The following DCDC1 variants were observed in gnomAD, a reference collection of about 807,000 sequenced individuals.
DCDC1 encodes the protein doublecortin domain-containing protein 1.
In DCDC1, 200 loss-of-function variants were observed where a neutral mutation model predicts 178.3. The ratio of observed to expected loss-of-function variants is 1.12; its 90% CI spans 1.00 to 1.26. DCDC1 has a LOEUF of 1.26. Ranked by LOEUF, DCDC1 falls within the 50% of genes most tolerant of loss-of-function variation. The pLI is 0.00. For synonymous variants in DCDC1, 690 were observed against 604.8 expected, an observed-to-expected ratio of 1.14 and a Z score of -2.07; for missense variants, 1,983 against 1,749.2, an observed-to-expected ratio of 1.13 and a Z score of -2.38.
chr11:31,033,212 G>C (rs1011350298), intron 20 of DCDC1, among the ~76,000 whole-genome samples: 14 of 152,258 alleles, frequency 9.2e-5, no homozygotes, highest in African/African-American at 3.1e-4. Context: ...CAAGTGTAGA[G>C]AGGAAGAACT....
intron 11 of DCDC1, among the ~76,000 whole-genome samples, chr11:31,115,985 G>GGC (rs1555066728): frequency 3.7e-5 from 5 of 135,722 alleles, no homozygotes; most frequent in African/African-American, 1.3e-4. Context: ...TGGCAGTGGG[G>GGC]GGGGGGGGGA....
At chr11:31,083,380 T>C (rs1310394613) in intron 17 of DCDC1, among the ~76,000 whole-genome samples, 1 of 152,172 alleles carries the variant, frequency 6.6e-6, no homozygotes, top group East Asian at 1.9e-4. Flanking sequence ...CTTTGGCAGG[T>C]CCATTAGTCC....
intron 9 of DCDC1, among the ~76,000 whole-genome samples, chr11:31,180,135 G>A (rs1383221179): frequency 6.6e-6 from 1 of 152,172 alleles, no homozygotes; most frequent in Non-Finnish European, 1.5e-5. Context: ...ATACTTCAAT[G>A]GGTAAGGAAT....
intron 9 of DCDC1, among the ~76,000 whole-genome samples, chr11:31,175,246 T>C (rs1381106012): frequency 6.6e-6 from 1 of 152,178 alleles, no homozygotes; most frequent in African/African-American, 2.4e-5. Flanking sequence ...CTGGCACCTG[T>C]GCCAGGGCCT....
chr11:31,347,559 C>T (rs1405514598), intron 1 of DCDC1, among the ~76,000 whole-genome samples: 1 of 152,014 alleles, frequency 6.6e-6, no homozygotes, highest in Non-Finnish European at 1.5e-5. Flanking sequence ...AAACAAAAAG[C>T]AAGGGGAAAG....
At chr11:31,042,804 T>C (rs932721452) in intron 20 of DCDC1, among the ~76,000 whole-genome samples, 3 of 152,168 alleles carry the variant, frequency 2.0e-5, no homozygotes, top group Non-Finnish European at 2.9e-5. Context: ...AACCTCTTAG[T>C]CTCAGTCCAT....
intron 9 of DCDC1, among the ~76,000 whole-genome samples, chr11:31,209,843 A>G (rs149121744): frequency 6.6e-6 from 1 of 152,320 alleles, no homozygotes; most frequent in East Asian, 1.9e-4. Flanking sequence ...AACAAGCATG[A>G]ACGGGAGAGA....
chr11:30,922,535 A>G lies in DCDC1; in HGVS notation c.3101T>C (p.Ile1034Thr). 2 of 1,578,820 alleles carry G rather than the reference A, an allele frequency of 1.3e-6. No individual in the cohort carries two copies. Among genetic ancestry groups the G allele is most frequent in the Non-Finnish European group, 1.7e-6 (2 of 1,167,544 alleles). The part of the protein sequence containing the change: ...LRNLESDIAK[I>T]QIFCSTHKIE... ...TTTATGTGTGCTGCAGAAGATTTGA[A>G]TTTTGGCAATGTCTGATTCTAGGTT... is the stretch of plus-strand genomic sequence containing the variant. The change falls in exon 24 of 39, where the codon ATT becomes ACT. Residue 1034 changes from isoleucine to threonine, a missense_variant. Physicochemically the swap from Ile to Thr is moderately conservative, Grantham distance 89 (BLOSUM62 -1). Transcript: ENST00000684477.
At chr11:31,184,018 G>A (rs1177093296) in intron 9 of DCDC1, among the ~76,000 whole-genome samples, 2 of 152,066 alleles carry the variant, frequency 1.3e-5, no homozygotes, top group African/African-American at 4.8e-5. Context: ...GAGGCATCAC[G>A]CTACCTGACC....
chr11:31,288,512 T>TC (rs1947000115), intron 7 of DCDC1, among the ~76,000 whole-genome samples: 1 of 151,862 alleles, frequency 6.6e-6, no homozygotes, highest in African/African-American at 2.4e-5. Flanking sequence ...TAGAGTCATT[T>TC]CCCCTTGGCT....
chr11:30,952,000 A>AT (rs1948453849), intron 21 of DCDC1, among the ~76,000 whole-genome samples: 1 of 152,148 alleles, frequency 6.6e-6, no homozygotes, highest in Admixed American at 6.6e-5. Context: ...CCCCTCTAAA[A>AT]CAGAAGAACA....
At chr11:31,247,831 A>AGT (rs1381978219) in intron 8 of DCDC1, among the ~76,000 whole-genome samples, 2 of 151,988 alleles carry the variant, frequency 1.3e-5, no homozygotes, top group Non-Finnish European at 2.9e-5. Context: ...CAAAAATAAT[A>AGT]GTGTGTGTGT....
intron 1 of DCDC1, among the ~76,000 whole-genome samples, chr11:31,357,585 C>T (rs1439912174): frequency 6.6e-6 from 1 of 152,042 alleles, no homozygotes; most frequent in Non-Finnish European, 1.5e-5. Context: ...AAGTTCTGGC[C>T]AGGGCAATTA....
chr11:30,894,371 C>T lies in DCDC1; in HGVS notation c.4779G>A (p.Ala1593=), dbSNP rs1029802314. 28 of 1,613,324 alleles carry T rather than the reference C, an allele frequency of 1.7e-5. No homozygotes were observed. Among genetic ancestry groups the T allele is most frequent in the Middle Eastern group, 3.3e-4 (2 of 6,070 alleles). The stretch of plus-strand genomic sequence containing the variant: ...GAACCATGGTGGCTGGCTGACATGC[C>T]GCTACTCGCCGCCCTGAGGAAACAA... ...KMRQLKGRRV[A]ACQPATMVPT... The change falls in exon 35 of 39, where the codon GCG becomes GCA. Residue 1593 remains alanine (A), a synonymous_variant. Coordinates refer to ENST00000684477, the MANE Select transcript of DCDC1 (RefSeq NM_001387274.1).
rs377671716 is a variant in DCDC1, at chr11:31,111,298, A to C, written c.1486-937T>G. Among the ~76,000 whole-genome samples the C allele has an allele frequency of 5.9e-5, 9 of 152,278 alleles. No homozygotes were observed. In the South Asian group the frequency reaches 1.2e-3, roughly 21 times the overall value. ...GAAGAATATTTATTTAAAAATGAAA[A>C]AAAAAAACTACCTTTTTTATATTTT... On this transcript the variant is annotated intron_variant, in intron 11 of 38. Coordinates refer to ENST00000684477, the MANE Select transcript of DCDC1 (RefSeq NM_001387274.1).
intron 1 of DCDC1, among the ~76,000 whole-genome samples, chr11:31,348,074 T>A (rs1308659524): frequency 6.6e-6 from 1 of 152,226 alleles, no homozygotes; most frequent in African/African-American, 2.4e-5. Context: ...ATTTAGTACA[T>A]ATTCTAAATT....
At chr11:31,166,553 T>C (rs1230234731) in intron 9 of DCDC1, among the ~76,000 whole-genome samples, 1 of 152,124 alleles carries the variant, frequency 6.6e-6, no homozygotes, top group Non-Finnish European at 1.5e-5. Flanking sequence ...AGCCTCGCTA[T>C]AGGAGTTGGA....
At chr11:31,018,485 G>A (rs1470128694) in intron 20 of DCDC1, among the ~76,000 whole-genome samples, 3 of 152,092 alleles carry the variant, frequency 2.0e-5, no homozygotes, top group Admixed American at 1.3e-4. Context: ...TCACAGGTTC[G>A]TCCTTTTATG....
intron 8 of DCDC1, among the ~76,000 whole-genome samples, chr11:31,265,214 T>C (rs1945069706): frequency 6.6e-6 from 1 of 152,176 alleles, no homozygotes. Context: ...AGCTGTATCC[T>C]ATATAAATTG....
Sources: allele counts gnomAD v4.1 joint callset (sites outside exome capture counted in the v4.1 genomes callset), GRCh38; gene constraint gnomAD v4.1.1; transcripts MANE v1.5; gene names NCBI Gene and HGNC (gene_info 2026-07-23, HGNC 2026-07-21).